TRIM42: variants seen among roughly 807,000 people sequenced by gnomAD.
The protein encoded by TRIM42 is tripartite motif containing 42, also known as tripartite motif-containing protein 42.
Under a neutral mutation model 64.9 loss-of-function variants are expected in TRIM42, and 59 were observed. The ratio of observed to expected loss-of-function variants is 0.91; its 90% confidence interval spans 0.74 to 1.13. The LOEUF (loss-of-function observed/expected upper bound fraction) is 1.13. Among genes scored for constraint, TRIM42 ranks in the 50% most tolerant of loss-of-function variants. The pLI, the probability that TRIM42 is intolerant of heterozygous loss-of-function variation, is 0.00. For missense variants in TRIM42, 878 were observed against 929.5 expected (o/e 0.94, Z 0.72); for synonymous variants, 354 against 346.3 (o/e 1.02, Z -0.25).
rs866558651 is a variant in TRIM42, at chr3:140,682,900, C to T, written c.780C>T (p.Asn260=). The T allele has an allele frequency of 1.2e-6, 2 of 1,614,232 alleles. No individual in the cohort carries two copies. The highest frequency in any genetic ancestry group is 1.7e-6 in the Non-Finnish European group (2 of 1,180,044). The change falls in exon 2 of 5, where the codon AAC becomes AAT. Residue 260 remains asparagine, a synonymous_variant. Coordinates refer to ENST00000286349, the MANE Select transcript of TRIM42 (RefSeq NM_152616.5). ...TCACCTGCCGCCTCAACCTGTGCAA[C>T]GACTGCCTCAAGGCCTTCCACTCGG... is the stretch of plus-strand genomic sequence containing the variant. The part of the protein sequence containing the change: ...RCITCRLNLC[N]DCLKAFHSDV...
At chr3:140,694,748 T>C (rs934424315) in intron 4 of TRIM42, among the ~76,000 whole-genome samples, 6 of 152,160 alleles carry the variant, frequency 3.9e-5, no homozygotes, top group African/African-American at 1.4e-4. Flanking sequence ...TGAGGGAGAA[T>C]ACATTTCCTT....
Position 140,682,781 on chromosome 3 carries a change from G to GAGCAC in TRIM42, c.662_666dup (p.Gly223SerfsTer135). On this transcript the variant is annotated frameshift_variant, in exon 2 of 5. Transcript: ENST00000286349. LOFTEE classifies it high-confidence loss of function. ...GCGTCTCACCAAGCGCTACATGCAG[G>GAGCAC]AGCACGGCTACCTCAAGTGGCGCTT... is the stretch of plus-strand genomic sequence containing the variant. 1 of 1,613,528 alleles carries GAGCAC rather than the reference G, an allele frequency of 6.2e-7. No homozygotes were observed. Among genetic ancestry groups the GAGCAC allele is most frequent in the Non-Finnish European group, 8.5e-7 (1 of 1,180,040 alleles).
Position 140,688,107 on chromosome 3 carries a change from GC to G in TRIM42, c.1428del (p.Leu477TrpfsTer39). On this transcript the variant is annotated frameshift_variant, in exon 3 of 5. Coordinates refer to ENST00000286349, the MANE Select transcript of TRIM42 (RefSeq NM_152616.5). LOFTEE classifies it high-confidence loss of function. ...TCCGGCTGCACTCAATAAACTACGT[GC>G]CCTTGGACTTTGTTGAGCTTTCCAG... The part of the protein sequence containing the change: ...QLRLHSINYV[P>X]LDFVELSSAI... The G allele has an allele frequency of 6.2e-7, 1 of 1,613,970 alleles. No individual in the cohort carries two copies. Among genetic ancestry groups the G allele is most frequent in the Non-Finnish European group, 8.5e-7 (1 of 1,179,870 alleles).
In TRIM42 at chr3:140,687,924, T is replaced by C; in HGVS notation, c.1242T>C (p.Tyr414=). 2 of 1,614,150 alleles carry C rather than the reference T, an allele frequency of 1.2e-6. No individual in the cohort carries two copies. Among genetic ancestry groups the C allele is most frequent in the Non-Finnish European group, 1.7e-6 (2 of 1,180,014 alleles). ...SRQKEIEKYV[Y]VTTMKVNEMD... Reference sequence around the variant, plus strand: ...AGAAGGAAATTGAAAAATATGTGTATGTTACAACCATGAAAGTGAACGAGA... The same window carrying C: ...AGAAGGAAATTGAAAAATATGTGTACGTTACAACCATGAAAGTGAACGAGA... Residue 414 remains tyrosine (Y), a synonymous_variant, in exon 3 of 5, where the codon TAT becomes TAC. Coordinates refer to ENST00000286349, the MANE Select transcript of TRIM42 (RefSeq NM_152616.5).
At chr3:140,695,073 T>G (rs1988814265) in intron 4 of TRIM42, among the ~76,000 whole-genome samples, 1 of 151,892 alleles carries the variant, frequency 6.6e-6, no homozygotes, top group South Asian at 2.1e-4. Context: ...GGCAAAATCC[T>G]GTCTCTACTA....
Position 140,678,475 on chromosome 3 carries a change from C to T in TRIM42, c.246C>T (p.Ala82=). 1 of 1,614,150 alleles carries T rather than the reference C, an allele frequency of 6.2e-7. No individual in the cohort carries two copies. Among genetic ancestry groups the T allele is most frequent in the African/African-American group, 1.3e-5 (1 of 75,038 alleles). ...NDPNCKCCCT[A]SSNLNCYYYE... is the part of the protein sequence containing the mutation. Reference sequence around the variant, plus strand: ...CCAACTGTAAGTGCTGCTGCACAGCCAGCAGCAATCTCAACTGCTACTACT... The same window carrying T: ...CCAACTGTAAGTGCTGCTGCACAGCTAGCAGCAATCTCAACTGCTACTACT... The change falls in exon 1 of 5, where the codon GCC becomes GCT. Residue 82 remains alanine (A), a synonymous_variant. Coordinates refer to ENST00000286349, the MANE Select transcript of TRIM42 (RefSeq NM_152616.5).
intron 4 of TRIM42, among the ~76,000 whole-genome samples, chr3:140,696,803 C>A (rs1988864230): frequency 6.6e-6 from 1 of 152,128 alleles, no homozygotes; most frequent in African/African-American, 2.4e-5. Context: ...GGATTAGGGT[C>A]CTCATTTTAA....
chr3:140,700,802 G>T, intron 4 of TRIM42, 86 bp from the exon 5 acceptor site: 1 of 1,170,012 alleles, frequency 8.5e-7, no homozygotes. Flanking sequence ...ATGAAATGAT[G>T]TGTGTAGTGT....
In TRIM42 at chr3:140,688,044, G is replaced by A. The variant is rs970077691; in HGVS notation, c.1362G>A (p.Glu454=). The A allele has an allele frequency of 1.2e-6, 2 of 1,614,056 alleles. No individual in the cohort carries two copies. The highest frequency in any genetic ancestry group is 2.7e-5 in the African/African-American group (2 of 74,918). The change falls in exon 3 of 5, where the codon GAG becomes GAA. Residue 454 remains glutamate, a synonymous_variant. Coordinates refer to ENST00000286349, the MANE Select transcript of TRIM42 (RefSeq NM_152616.5). Reference sequence around the variant, plus strand: ...CCAAGATCCTGGTGGACCAGATCGAGGACGGCATCCAGACCACCTACAGGC... The same window carrying A: ...CCAAGATCCTGGTGGACCAGATCGAAGACGGCATCCAGACCACCTACAGGC... The part of the protein sequence containing the change: ...QSAKILVDQI[E]DGIQTTYRPD...
chr3:140,678,454 C>A lies in TRIM42; in HGVS notation c.225C>A (p.Asn75Lys). The change falls in exon 1 of 5, where the codon AAC becomes AAA. Residue 75 changes from asparagine to lysine, a missense_variant. Coordinates refer to ENST00000286349, the MANE Select transcript of TRIM42 (RefSeq NM_152616.5). Reference protein sequence around the residue: ...WCCCSWANDPNCKCCCTASSN... With the variant: ...WCCCSWANDPKCKCCCTASSN... ...GCTGCTCTTGGGCCAATGATCCCAA[C>A]TGTAAGTGCTGCTGCACAGCCAGCA... 6.2e-7 allele frequency: 1 copy of A among 1,614,202 alleles called. No individual in the cohort carries two copies. Among genetic ancestry groups the A allele is most frequent in the East Asian group, 2.2e-5 (1 of 44,882 alleles).
intron 4 of TRIM42, among the ~76,000 whole-genome samples, chr3:140,693,687 C>G (rs780376995): frequency 1.3e-5 from 2 of 152,204 alleles, no homozygotes; most frequent in African/African-American, 2.4e-5. Flanking sequence ...AATGAGGCAG[C>G]AGGATCATTT....
intron 1 of TRIM42, chr3:140,680,551 C>T (rs1329799814): frequency 1.3e-5 from 4 of 311,186 alleles, no homozygotes; most frequent in Non-Finnish European, 1.9e-5. Flanking sequence ...CCTGTGAAGG[C>T]CTCATAACAG....
At chr3:140,692,737 G>A (rs565860036) in intron 4 of TRIM42, among the ~76,000 whole-genome samples, 2 of 152,276 alleles carry the variant, frequency 1.3e-5, no homozygotes, top group Admixed American at 6.5e-5. Context: ...TGGAATGCCC[G>A]TGGCTGCCCC....
intron 4 of TRIM42, among the ~76,000 whole-genome samples, chr3:140,692,562 C>CACACACACACACACACAGAGAGAG (rs375439126): frequency 1.8e-5 from 2 of 114,114 alleles, no homozygotes; most frequent in African/African-American, 5.9e-5. Flanking sequence ...CACACACACA[C>CACACACACACACACACAGAGAGAG]AGAGAGAGAT....
At chr3:140,690,195 T>C (rs535857755) in intron 3 of TRIM42, among the ~76,000 whole-genome samples, 2 of 152,314 alleles carry the variant, frequency 1.3e-5, no homozygotes, top group South Asian at 4.1e-4. Flanking sequence ...TTTAGGATTT[T>C]AGCATAGAAA....
Position 140,691,056 on chromosome 3 carries a change from T to A in TRIM42, c.1949T>A (p.Met650Lys), listed in dbSNP as rs145744276. 5 of 1,613,970 alleles carry A rather than the reference T, an allele frequency of 3.1e-6. No homozygotes were observed. The highest frequency in any genetic ancestry group is 4.2e-6 in the Non-Finnish European group (5 of 1,180,006). The change falls in exon 4 of 5, where the codon ATG (methionine) becomes AAG (lysine). Residue 650 changes from methionine (M) to lysine (K), a missense_variant. By Grantham distance (95) the Met-to-Lys change is moderately conservative. Coordinates refer to ENST00000286349, the MANE Select transcript of TRIM42 (RefSeq NM_152616.5). ...VITSPPNNVQMELCGQIRDIM... is the reference protein window; with the variant it reads ...VITSPPNNVQKELCGQIRDIM... The stretch of plus-strand genomic sequence containing the variant: ...ACTTCTCCTCCTAACAACGTACAAA[T>A]GGAGCTCTGTGGACAAATTCGGGAC...
In TRIM42 at chr3:140,690,053, C is replaced by T. The variant is rs1001935571; in HGVS notation, c.1861-915C>T. ...TGTCGAAAGAGGACACCTAAACCTACTGCCAGACAGTGATATTTGATTTTA... is the reference window on the plus strand; with the variant it reads ...TGTCGAAAGAGGACACCTAAACCTATTGCCAGACAGTGATATTTGATTTTA... On this transcript the variant is annotated intron_variant, in intron 3 of 4. Transcript: ENST00000286349. 1.1e-4 allele frequency among the ~76,000 whole-genome samples: 17 copies of T among 152,278 alleles called. 1 individual carries two copies. The highest frequency in any genetic ancestry group is 4.1e-4 in the African/African-American group (17 of 41,552).
At chr3:140,690,398 A>C (rs1196293911) in intron 3 of TRIM42, among the ~76,000 whole-genome samples, 1 of 151,750 alleles carries the variant, frequency 6.6e-6, no homozygotes, top group Non-Finnish European at 1.5e-5. Context: ...ATAAATGTTC[A>C]ACAATAGAAG....
intron 4 of TRIM42, 143 bp from the exon 5 acceptor site, chr3:140,700,742 TTCA>T (rs1294921750): frequency 1.5e-6 from 1 of 647,090 alleles, no homozygotes; most frequent in African/African-American, 1.8e-5. Context: ...CCTCAGCTTC[TTCA>T]TCTATAAAGT....
Sources: gnomAD v4.1 joint callset for allele counts (sites outside exome capture counted in the v4.1 genomes callset) on GRCh38, gnomAD v4.1.1 for gene constraint, MANE v1.5 for transcripts, NCBI Gene and HGNC (gene_info 2026-07-23, HGNC 2026-07-21) for gene names.